The following MAN1C1 variants were observed in gnomAD, a reference collection of about 807,000 sequenced individuals.
MAN1C1 encodes the protein mannosyl-oligosaccharide 1,2-alpha-mannosidase IC.
A neutral mutation model predicts 71.5 loss-of-function variants in MAN1C1; 49 were observed. The ratio of observed to expected loss-of-function variants is 0.69; its 90% confidence interval spans 0.54 to 0.87. The LOEUF (loss-of-function observed/expected upper bound fraction) is 0.87, where lower values mean the gene tolerates loss of function less well. Among genes scored for constraint, MAN1C1 ranks in the 40% least tolerant of loss-of-function variants. The pLI is 0.00. For missense variants in MAN1C1, 743 were observed against 835.0 expected (o/e 0.89, Z 1.36); for synonymous variants, 352 against 343.7 (o/e 1.02, Z -0.27).
At position 25,635,631 on chromosome 1, in the gene MAN1C1, T is replaced by C. The variant is rs561535574; in HGVS notation, c.540+17294T>C. Among the ~76,000 whole-genome samples the C allele has an allele frequency of 1.2e-4, 18 of 152,176 alleles. No individual in the cohort carries two copies. The South Asian group carries it at 3.7e-3, about 32-fold the overall frequency. On this transcript the variant is annotated intron_variant, in intron 1 of 11. Coordinates refer to ENST00000374332, the MANE Select transcript of MAN1C1 (RefSeq NM_020379.4). ...CGCCTGGCTAATTTTGTATTTTTTG[T>C]AGAGACAGGGTTTCACCATGTTGGT...
intron 7 of MAN1C1, among the ~76,000 whole-genome samples, chr1:25,766,231 C>A (rs1329890402): frequency 2.0e-5 from 3 of 152,132 alleles, no homozygotes; most frequent in Non-Finnish European, 4.4e-5. Context: ...AATCTGAGCC[C>A]TCGGCCTGCT....
intron 2 of MAN1C1, among the ~76,000 whole-genome samples, chr1:25,710,928 CG>C (rs2046605779): frequency 6.6e-6 from 1 of 152,190 alleles, no homozygotes; most frequent in African/African-American, 2.4e-5. Context: ...CTCTAGGCCT[CG>C]GGGTCCTCAC....
At chr1:25,694,694 G>A (rs2046348113) in intron 2 of MAN1C1, among the ~76,000 whole-genome samples, 2 of 152,172 alleles carry the variant, frequency 1.3e-5, no homozygotes, top group East Asian at 1.9e-4. Context: ...AGCCTTGGTG[G>A]GTCTTTTTGT....
At chr1:25,665,769 G>A (rs1179734858) in intron 1 of MAN1C1, among the ~76,000 whole-genome samples, 2 of 151,768 alleles carry the variant, frequency 1.3e-5, no homozygotes, top group East Asian at 1.9e-4. Context: ...TAGAAGAAAT[G>A]GTGTCAGAGT....
chr1:25,767,083 A>G (rs1422503349), intron 7 of MAN1C1, among the ~76,000 whole-genome samples: 3 of 151,722 alleles, frequency 2.0e-5, no homozygotes, highest in African/African-American at 7.3e-5. Flanking sequence ...ATGCAGAACA[A>G]TGTCTTCTCA....
chr1:25,646,611 C>T (rs763714935), intron 1 of MAN1C1, among the ~76,000 whole-genome samples: 1 of 152,200 alleles, frequency 6.6e-6, no homozygotes, highest in African/African-American at 2.4e-5. Flanking sequence ...GACCCACTAC[C>T]CCCAGCCCAG....
chr1:25,767,533 T>TACACACACTCCCCTC (rs1192596250), intron 7 of MAN1C1, among the ~76,000 whole-genome samples: 92 of 98,986 alleles, frequency 9.3e-4, no homozygotes, highest in Non-Finnish European at 1.5e-3. Flanking sequence ...CATACACTCC[T>TACACACACTCCCCTC]ACACACACTC....
chr1:25,644,518 A>ATATATATATATTTTTTTTTTT (rs61386117), intron 1 of MAN1C1: 1 of 40,286 alleles, frequency 2.5e-5, no homozygotes, highest in African/African-American at 1.9e-4. Flanking sequence ...ATATATATAT[A>ATATATATATATTTTTTTTTTT]TTTTTTTTTT....
chr1:25,767,905 CA>C, intron 7 of MAN1C1, among the ~76,000 whole-genome samples: 1 of 114,718 alleles, frequency 8.7e-6, no homozygotes, highest in Non-Finnish European at 1.8e-5. Flanking sequence ...CTCATACACA[CA>C]CATTACACAC....
intron 1 of MAN1C1, among the ~76,000 whole-genome samples, chr1:25,671,644 T>C (rs114894819): frequency 2.2e-3 from 330 of 152,234 alleles, no homozygotes; most frequent in African/African-American, 7.6e-3. Context: ...CACTGGAGAT[T>C]TGGTGGGTTG....
chr1:25,778,960 G>A lies in MAN1C1; in HGVS notation c.1477+636G>A, dbSNP rs1043687866. 6.6e-6 allele frequency among the ~76,000 whole-genome samples: 1 copy of A among 151,998 alleles called. No homozygotes were observed. The highest frequency in any genetic ancestry group is 1.5e-5 in the Non-Finnish European group (1 of 67,966). ...CAGAGAAGTGGAGTCAGCCCAGAGAGGGGAAGTGACTTAGCCAAAGTCACA... is the reference window on the plus strand; with the variant it reads ...CAGAGAAGTGGAGTCAGCCCAGAGAAGGGAAGTGACTTAGCCAAAGTCACA... On this transcript the variant is annotated intron_variant, in intron 9 of 11. Coordinates refer to ENST00000374332, the MANE Select transcript of MAN1C1 (RefSeq NM_020379.4). This position sits in a 1 kb window ranked among gnomAD's most constrained non-coding sequence, Gnocchi z 5.5.
At chr1:25,758,496 A>G in intron 5 of MAN1C1, 96 bp from the exon 6 acceptor site, 2 of 1,012,192 alleles carry the variant, frequency 2.0e-6, no homozygotes, top group Non-Finnish European at 3.1e-6. Context: ...TGCCTGTCAC[A>G]TAGTAGGTGC....
chr1:25,650,088 A>G (rs59178479), intron 1 of MAN1C1, among the ~76,000 whole-genome samples: 13,181 of 152,064 alleles, frequency 0.087, 1,261 homozygotes, highest in East Asian at 0.22. Flanking sequence ...CTGACACTCA[A>G]AGCAGGGGCT....
rs1488551875 is a variant in MAN1C1, at chr1:25,753,003, A to G, written c.835-481A>G. ...TGTCCGAACGGCACCACCTGTTCCCATGCCCTCTGCCTGTGGTATCGTAGT... is the reference window on the plus strand; with the variant it reads ...TGTCCGAACGGCACCACCTGTTCCCGTGCCCTCTGCCTGTGGTATCGTAGT... On this transcript the variant is annotated intron_variant, in intron 4 of 11. Transcript: ENST00000374332. This position sits in a 1 kb window ranked among gnomAD's most constrained non-coding sequence, Gnocchi z 4.9. Among the ~76,000 whole-genome samples the G allele has an allele frequency of 1.3e-5, 2 of 152,192 alleles. No individual in the cohort carries two copies. Among genetic ancestry groups the G allele is most frequent in the Admixed American group, 1.3e-4 (2 of 15,282 alleles).
intron 1 of MAN1C1, among the ~76,000 whole-genome samples, chr1:25,620,169 G>A (rs555834764): frequency 5.9e-5 from 9 of 152,302 alleles, no homozygotes; most frequent in African/African-American, 1.9e-4. Flanking sequence ...TGGAGGGTGG[G>A]AAGAGGGGTG....
intron 1 of MAN1C1, among the ~76,000 whole-genome samples, chr1:25,683,366 C>T (rs2046181938): frequency 2.0e-5 from 3 of 152,198 alleles, no homozygotes; most frequent in South Asian, 2.1e-4. Context: ...GCCTGTGAAG[C>T]GTGTGGTCCA....
chr1:25,778,215 G>A lies in MAN1C1; in HGVS notation c.1368G>A (p.Gly456=), dbSNP rs772747820. 2 of 1,614,052 alleles carry A rather than the reference G, an allele frequency of 1.2e-6. No individual in the cohort carries two copies. Among genetic ancestry groups the A allele is most frequent in the Non-Finnish European group, 1.7e-6 (2 of 1,179,956 alleles). Residue 456 remains glycine (G), a synonymous_variant, in exon 9 of 12, where the codon GGG becomes GGA. Coordinates refer to ENST00000374332, the MANE Select transcript of MAN1C1 (RefSeq NM_020379.4). This position sits in a 1 kb window ranked among gnomAD's most constrained non-coding sequence, Gnocchi z 5.5. ...HKMGHLACFS[G]GMIALGAEDA... is the part of the protein sequence containing the mutation. ...TGGGGCACCTGGCCTGTTTCTCCGG[G>A]GGCATGATCGCCCTTGGCGCCGAGG...
chr1:25,712,619 A>G (rs1162976135), intron 2 of MAN1C1, among the ~76,000 whole-genome samples: 2 of 152,206 alleles, frequency 1.3e-5, no homozygotes. Context: ...CTTGAGCAGT[A>G]AATGCCACCT....
intron 1 of MAN1C1, among the ~76,000 whole-genome samples, chr1:25,686,184 T>C (rs2046228016): frequency 6.6e-6 from 1 of 152,210 alleles, no homozygotes; most frequent in Admixed American, 6.5e-5. Flanking sequence ...TAGAATTTAG[T>C]GCTTTTTCTG....
Sources: gnomAD v4.1 joint callset for allele counts (sites outside exome capture counted in the v4.1 genomes callset) on GRCh38, gnomAD v4.1.1 for gene constraint, Gnocchi (gnomAD v3.1) non-coding constraint, MANE v1.5 for transcripts, NCBI Gene and HGNC (gene_info 2026-07-23, HGNC 2026-07-21) for gene names.